Variants in SPATA1 observed in about 807,000 individuals in gnomAD.
SPATA1 encodes spermatogenesis-associated protein 1.
In SPATA1, 57 loss-of-function variants were observed where a neutral mutation model predicts 59.6. That is an observed-to-expected ratio of 0.96 (90% CI 0.77 to 1.19). SPATA1 has a LOEUF of 1.19. Among genes scored for constraint, SPATA1 ranks in the 50% most tolerant of loss-of-function variants. The probability of loss-of-function intolerance (pLI) is 0.00; values close to 1 mark genes in which losing one functional copy is unlikely to be tolerated. For missense variants in SPATA1, 448 were observed against 480.7 expected, an observed-to-expected ratio of 0.93 and a Z score of 0.64; for synonymous variants, 147 against 163.9, an observed-to-expected ratio of 0.90 and a Z score of 0.79.
intron 6 of SPATA1, 21 bp downstream of exon 6, chr1:84,526,094 GA>G (rs1213697113): frequency 1.3e-6 from 2 of 1,570,688 alleles, no homozygotes; most frequent in South Asian, 1.2e-5. Context: ...ACTGGAATGG[GA>G]AAAAGAAAGA....
At chr1:84,526,108 CTAT>C in intron 6 of SPATA1, 35 bp downstream of exon 6, 1 of 1,536,846 alleles carries the variant, frequency 6.5e-7, no homozygotes, top group Non-Finnish European at 8.9e-7. Flanking sequence ...AAGAAAGAGG[CTAT>C]TATAGTACAT....
downstream of SPATA1, among the ~76,000 whole-genome samples, chr1:84,556,812 A>G (rs1369026952): frequency 1.3e-5 from 2 of 152,156 alleles, no homozygotes. Flanking sequence ...GTAATCAAGC[A>G]TATCTCAGTC....
At chr1:84,528,054 GT>G (rs1683304283) in intron 6 of SPATA1, among the ~76,000 whole-genome samples, 1 of 152,162 alleles carries the variant, frequency 6.6e-6, no homozygotes. Flanking sequence ...TCTAAATGCA[GT>G]TTCATGCATT....
At chr1:84,559,478 C>T (rs1684547197), downstream of SPATA1, among the ~76,000 whole-genome samples, 1 of 151,884 alleles carries the variant, frequency 6.6e-6, no homozygotes, top group South Asian at 2.1e-4. Context: ...AAAAATTAGC[C>T]GGGCATGGTA....
At chr1:84,520,908 C>G (rs144271985) in intron 3 of SPATA1, among the ~76,000 whole-genome samples, 1 of 151,948 alleles carries the variant, frequency 6.6e-6, no homozygotes, top group Admixed American at 6.6e-5. Context: ...ATACTACCAC[C>G]CAGAAAACAG....
intron 4 of SPATA1, chr1:84,563,326 C>T (rs938480921): frequency 3.8e-6 from 6 of 1,599,584 alleles, no homozygotes; most frequent in Non-Finnish European, 5.1e-6. Flanking sequence ...TATTTATTTG[C>T]TTCATGATCG....
intron 1 of SPATA1, among the ~76,000 whole-genome samples, chr1:84,513,325 G>A (rs920211234): frequency 5.9e-5 from 9 of 152,158 alleles, no homozygotes; most frequent in African/African-American, 1.9e-4. Flanking sequence ...AGTAGAGATG[G>A]GGTTTCTCCA....
intron 4 of SPATA1, among the ~76,000 whole-genome samples, chr1:84,523,273 A>G (rs1023471365): frequency 3.9e-5 from 6 of 152,148 alleles, no homozygotes; most frequent in African/African-American, 1.4e-4. Context: ...GGATACTCTA[A>G]GTAGAGAGTA....
chr1:84,526,158 C>A (rs1010783219), intron 6 of SPATA1, 85 bp downstream of exon 6: 1 of 1,114,658 alleles, frequency 9.0e-7, no homozygotes, highest in Non-Finnish European at 1.3e-6. Flanking sequence ...CCTGAGCAAA[C>A]CTAGCCTTAC....
intron 4 of SPATA1, among the ~76,000 whole-genome samples, chr1:84,524,016 G>A (rs1385746401): frequency 1.3e-5 from 2 of 151,276 alleles, no homozygotes; most frequent in Non-Finnish European, 3.0e-5. Flanking sequence ...AGTGCTCAGT[G>A]TAGTGATGAA....
chr1:84,555,055 T>C, downstream of SPATA1: 1 of 1,614,046 alleles, frequency 6.2e-7, no homozygotes, highest in Non-Finnish European at 8.5e-7. Flanking sequence ...GTTTGCTGTT[T>C]GGCTACAGCA....
downstream of SPATA1, among the ~76,000 whole-genome samples, chr1:84,567,115 A>C (rs1684714894): frequency 6.6e-6 from 1 of 152,242 alleles, no homozygotes. Context: ...AAACTGAGAT[A>C]CTTTAGGTAA....
At chr1:84,555,676 T>C (rs998714817), downstream of SPATA1, among the ~76,000 whole-genome samples, 7 of 152,224 alleles carry the variant, frequency 4.6e-5, 1 homozygote, top group East Asian at 1.3e-3. Flanking sequence ...AGCCAGTGAT[T>C]ATTAGCCAAG....
At chr1:84,563,435 G>A in intron 4 of SPATA1, 2 of 1,465,312 alleles carry the variant, frequency 1.4e-6, no homozygotes, top group Non-Finnish European at 1.8e-6. Flanking sequence ...ATGCAAAAGT[G>A]CTCATGTTAT....
At chr1:84,541,852 G>C (rs924740873) in intron 8 of SPATA1, among the ~76,000 whole-genome samples, 3 of 152,262 alleles carry the variant, frequency 2.0e-5, no homozygotes, top group African/African-American at 7.2e-5. Context: ...AGAGGAACAG[G>C]GAGTGTTGTT....
In SPATA1 at chr1:84,565,993, C is replaced by G. The variant is rs778139811; in HGVS notation, n.575C>G. ...TCTTCTGTCTATGTTCTTTGGAGACCAAGCTACATCAAAGGTTACCTGTGG... is the reference window on the plus strand; with the variant it reads ...TCTTCTGTCTATGTTCTTTGGAGACGAAGCTACATCAAAGGTTACCTGTGG... On this transcript the variant is annotated non_coding_transcript_exon_variant, in exon 5 of 5. Coordinates refer to the SPATA1 transcript ENST00000460286. 6 of 1,551,574 alleles carry G rather than the reference C, an allele frequency of 3.9e-6. No homozygotes were observed. The highest frequency in any genetic ancestry group is 1.7e-4 in the Middle Eastern group (1 of 5,892).
intron 1 of SPATA1, among the ~76,000 whole-genome samples, chr1:84,512,203 C>G (rs973009104): frequency 6.6e-6 from 1 of 152,160 alleles, no homozygotes. Context: ...TAACTGTATT[C>G]TGATTTTTTT....
chr1:84,567,249 CAAAAT>C (rs1409361566), downstream of SPATA1, among the ~76,000 whole-genome samples: 2 of 152,102 alleles, frequency 1.3e-5, no homozygotes, highest in Non-Finnish European at 1.5e-5. Flanking sequence ...AGTTTTCCAA[CAAAAT>C]AAGTTATGAA....
intron 12 of SPATA1, chr1:84,550,974 G>C (rs1052793010): frequency 2.0e-6 from 2 of 983,412 alleles, no homozygotes; most frequent in African/African-American, 3.5e-5. Flanking sequence ...TCTTCTACTA[G>C]ATGTTAAGTT....
Sources: gnomAD v4.1 joint callset for allele counts (sites outside exome capture counted in the v4.1 genomes callset) on GRCh38, gnomAD v4.1.1 for gene constraint, MANE v1.5 for transcripts, NCBI Gene and HGNC (gene_info 2026-07-23, HGNC 2026-07-21) for gene names.